Variants in EEF1E1 observed in about 807,000 individuals in gnomAD.
EEF1E1 encodes eukaryotic translation elongation factor 1 epsilon-1.
A neutral mutation model predicts 19.9 loss-of-function variants in EEF1E1; 19 were observed. That is an observed-to-expected ratio of 0.95 (90% CI 0.66 to 1.40). The LOEUF is 1.40. Among genes scored for constraint, EEF1E1 ranks in the 40% most tolerant of loss-of-function variants. EEF1E1 has a pLI of 0.00. For missense variants in EEF1E1, 198 were observed against 202.2 expected (o/e 0.98, Z 0.13); for synonymous variants, 81 against 80.0 (o/e 1.01, Z -0.07).
intron 3 of EEF1E1, among the ~76,000 whole-genome samples, chr6:8,080,875 C>A (rs1038372694): frequency 1.3e-5 from 2 of 152,154 alleles, no homozygotes; most frequent in Non-Finnish European, 2.9e-5. Context: ...AATAACTCAG[C>A]CACCCTACAA....
At chr6:8,092,627 G>A (rs1026783799) in intron 2 of EEF1E1, among the ~76,000 whole-genome samples, 1 of 152,046 alleles carries the variant, frequency 6.6e-6, no homozygotes, top group Non-Finnish European at 1.5e-5. Context: ...GTATATTAGG[G>A]ACTACCACTT....
At chr6:8,077,249 A>G (rs1353282160), downstream of EEF1E1, among the ~76,000 whole-genome samples, 1 of 152,122 alleles carries the variant, frequency 6.6e-6, no homozygotes, top group Non-Finnish European at 1.5e-5. Flanking sequence ...GGCAAGATTT[A>G]GCATAATTCT....
chr6:8,098,213 G>A (rs553545280), intron 1 of EEF1E1, among the ~76,000 whole-genome samples: 23 of 151,740 alleles, frequency 1.5e-4, no homozygotes, highest in African/African-American at 4.1e-4. Context: ...TCTGCCTCCC[G>A]GGTTCAACCG....
At chr6:8,076,127 T>C (rs1400470144), downstream of EEF1E1, among the ~76,000 whole-genome samples, 4 of 152,102 alleles carry the variant, frequency 2.6e-5, no homozygotes, top group Non-Finnish European at 4.4e-5. Context: ...AGTCATCCTT[T>C]AGAGTTGAAA....
chr6:8,102,463 T>C lies in EEF1E1; in HGVS notation c.59A>G (p.Asn20Ser). 6.2e-7 allele frequency: 1 copy of C among 1,612,636 alleles called. No individual in the cohort carries two copies. Among genetic ancestry groups the C allele is most frequent in the Non-Finnish European group, 8.5e-7 (1 of 1,179,910 alleles). The change falls in exon 1 of 4, where the codon AAT (asparagine) becomes AGT (serine). Residue 20 changes from asparagine (N) to serine (S), a missense_variant. Coordinates refer to ENST00000379715, the MANE Select transcript of EEF1E1 (RefSeq NM_004280.5). Reference sequence around the variant, plus strand: ...TCGCTCGCCCTGAGCACTGTATTTATTCCCCTTACTCAGTCCCAGGGACTT... The same window carrying C: ...TCGCTCGCCCTGAGCACTGTATTTACTCCCCTTACTCAGTCCCAGGGACTT... Reference protein sequence around the residue: ...LEKSLGLSKGNKYSAQGERQI... With the variant: ...LEKSLGLSKGSKYSAQGERQI...
chr6:8,083,268 G>A (rs960669232), intron 3 of EEF1E1, among the ~76,000 whole-genome samples: 15 of 152,178 alleles, frequency 9.9e-5, no homozygotes, highest in African/African-American at 3.4e-4. Context: ...CCACGTTGCC[G>A]CCTTTGGGAC....
At chr6:8,092,873 T>TTG (rs1461205588) in intron 2 of EEF1E1, among the ~76,000 whole-genome samples, 1,113 of 106,380 alleles carry the variant, frequency 0.01, 19 homozygotes, top group African/African-American at 0.04. Context: ...AGACTGCTTT[T>TTG]TTTTTTTTTT....
Position 8,079,717 on chromosome 6 carries a change from ACTT to A in EEF1E1, c.*170_*172del. 7.8e-7 allele frequency: 1 copy of A among 1,274,828 alleles called. No homozygotes were observed. 79.0% of individuals were successfully genotyped at this position (1,274,828 alleles called of 1,614,324 possible). A position where few individuals can be genotyped will look rare whatever the true frequency, so the allele number is the denominator to read the frequency against. On this transcript the variant is annotated 3_prime_UTR_variant, in exon 4 of 4. Transcript: ENST00000379715. ...TGAATTTTGACATAAAAATTGCAAA[ACTT>A]CAGCTAAAGAACAAATAAAACATTC...
At chr6:8,101,928 A>G in intron 1 of EEF1E1, 1 of 1,236,512 alleles carries the variant, frequency 8.1e-7, no homozygotes, top group Non-Finnish European at 1.1e-6. Flanking sequence ...AAATGGTTGC[A>G]ATGTTTGTCC....
chr6:8,102,090 A>AG, intron 1 of EEF1E1: 1 of 1,019,026 alleles, frequency 9.8e-7, no homozygotes, highest in Non-Finnish European at 1.2e-6. Context: ...GATTACGGGA[A>AG]AAAAAAAAAA....
chr6:8,076,525 G>A (rs181202482), downstream of EEF1E1, among the ~76,000 whole-genome samples: 6 of 151,490 alleles, frequency 4.0e-5, no homozygotes, highest in Middle Eastern at 6.9e-3. Context: ...GGGTTTCACC[G>A]TGTTAGCCAG....
chr6:8,090,770 C>T (rs1263304340), intron 2 of EEF1E1, among the ~76,000 whole-genome samples: 3 of 152,190 alleles, frequency 2.0e-5, no homozygotes, highest in East Asian at 3.8e-4. Context: ...ACTTTAGATA[C>T]CTCATATAAG....
At chr6:8,093,625 T>TA (rs1758083579) in intron 2 of EEF1E1, among the ~76,000 whole-genome samples, 1 of 152,060 alleles carries the variant, frequency 6.6e-6, no homozygotes, top group Non-Finnish European at 1.5e-5. Flanking sequence ...AAATAAGAAT[T>TA]AAACCCTTTC....
chr6:8,101,251 T>A (rs1365476850), intron 1 of EEF1E1, among the ~76,000 whole-genome samples: 10,879 of 29,894 alleles, frequency 0.36, 2,235 homozygotes, highest in African/African-American at 0.41. Context: ...AAAATATATA[T>A]ATATATATAT....
At chr6:8,076,788 T>C (rs1757601722), downstream of EEF1E1, among the ~76,000 whole-genome samples, 1 of 152,126 alleles carries the variant, frequency 6.6e-6, no homozygotes, top group African/African-American at 2.4e-5. Context: ...CATTGAGCAG[T>C]AATATTTTGA....
intron 3 of EEF1E1, 133 bp downstream of exon 3, chr6:8,090,053 C>G (rs143127249): frequency 1.7e-6 from 1 of 591,964 alleles, no homozygotes; most frequent in East Asian, 3.4e-5. Context: ...ACAAAAGGCA[C>G]CTTGTATAAA....
At chr6:8,073,988 T>C (rs1333633856) in intron 3 of EEF1E1, among the ~76,000 whole-genome samples, 2 of 152,164 alleles carry the variant, frequency 1.3e-5, no homozygotes, top group African/African-American at 4.8e-5. Context: ...GTGGCCAAAA[T>C]TGTAAATCAA....
chr6:8,090,243 T>C lies in EEF1E1; in HGVS notation c.327A>G (p.Thr109=), dbSNP rs769420969. ...NSYLEDKVYL[T]GYNFTLADIL... is the part of the protein sequence containing the mutation. The stretch of plus-strand genomic sequence containing the variant: ...TATCTGCTAATGTAAAGTTATACCC[T>C]GTAAGGTAGACTTTATCTTCAAGAT... The change falls in exon 3 of 4, where the codon ACA becomes ACG. Residue 109 remains threonine (T), a synonymous_variant. Transcript: ENST00000379715. 6.7e-7 allele frequency: 1 copy of C among 1,501,446 alleles called. No homozygotes were observed. The highest frequency in any genetic ancestry group is 1.4e-5 in the South Asian group (1 of 69,406). The allele number at this position is 1,501,446 out of a possible 1,614,324, so 93.0% of individuals were successfully genotyped here. A position where few individuals can be genotyped will look rare whatever the true frequency, so the allele number is the denominator to read the frequency against.
chr6:8,093,843 A>G (rs10458107), intron 2 of EEF1E1, among the ~76,000 whole-genome samples: 73,126 of 151,226 alleles, frequency 0.48, 17,821 homozygotes, highest in Admixed American at 0.52. Context: ...TGTTGCCCAG[A>G]CTGGAGTACA....
Sources: allele counts gnomAD v4.1 joint callset (sites outside exome capture counted in the v4.1 genomes callset), GRCh38; gene constraint gnomAD v4.1.1; transcripts MANE v1.5; gene names NCBI Gene and HGNC (gene_info 2026-07-23, HGNC 2026-07-21).